MGRN1: variants seen among roughly 807,000 people sequenced by gnomAD.
MGRN1 encodes E3 ubiquitin-protein ligase MGRN1.
In MGRN1, 29 loss-of-function variants were observed where a neutral mutation model predicts 69.2. The observed-to-expected ratio is 0.42, with a 90% CI of 0.31 to 0.57. The LOEUF is 0.57. MGRN1 is among the 20% of genes least tolerant of loss of function. The pLI is 0.15. For synonymous variants in MGRN1, 470 were observed against 344.2 expected, an observed-to-expected ratio of 1.37 and a Z score of -4.04; for missense variants, 998 against 796.2, an observed-to-expected ratio of 1.25 and a Z score of -3.05.
At chr16:4,656,411 C>T (rs573242110) in intron 4 of MGRN1, among the ~76,000 whole-genome samples, 14 of 152,288 alleles carry the variant, frequency 9.2e-5, no homozygotes, top group South Asian at 2.1e-4. Context: ...ACGCCTACCC[C>T]GTCTGAACGT....
chr16:4,671,372 G>GCC lies in MGRN1; in HGVS notation c.727-16_727-15dup, dbSNP rs1197073188. Reference sequence around the variant, plus strand: ...ATGGCAGTTGGCGAGGGCCCAGTGAGCCCCTCTCTGCTCTCCAGGTGGACC... The same window carrying GCC: ...ATGGCAGTTGGCGAGGGCCCAGTGAGCCCCCCTCTCTGCTCTCCAGGTGGACC... On this transcript the variant is annotated intron_variant, in intron 8 of 16. Coordinates refer to ENST00000262370, the MANE Select transcript of MGRN1 (RefSeq NM_015246.4). 1 of 1,613,838 alleles carries GCC rather than the reference G, an allele frequency of 6.2e-7. No homozygotes were observed. The highest frequency in any genetic ancestry group is 1.3e-5 in the African/African-American group (1 of 75,040).
intron 16 of MGRN1, chr16:4,686,336 C>T: frequency 6.5e-7 from 1 of 1,540,700 alleles, no homozygotes; most frequent in Non-Finnish European, 8.7e-7. Flanking sequence ...TTCGGGGGCT[C>T]TGACGCGCGT....
chr16:4,686,545 C>T lies in MGRN1; in HGVS notation c.1619-2251C>T, dbSNP rs979757223. The T allele has an allele frequency of 2.1e-5, 28 of 1,347,730 alleles. No homozygotes were observed. In the East Asian group the frequency reaches 4.1e-4, roughly 20 times the overall value. 83.5% of individuals were successfully genotyped at this position (1,347,730 alleles called of 1,614,324 possible). A position where few individuals can be genotyped will look rare whatever the true frequency, so the allele number is the denominator to read the frequency against. ...CAGAGGTCTCTCCATCTGGACTAGG[C>T]GGCCGGTCAGGCTCTTCTTCCAGCC... On this transcript the variant is annotated intron_variant, in intron 16 of 16. Transcript: ENST00000262370.
At chr16:4,685,290 G>A (rs370707088) in intron 16 of MGRN1, among the ~76,000 whole-genome samples, 1 of 152,370 alleles carries the variant, frequency 6.6e-6, no homozygotes, top group East Asian at 1.9e-4. Flanking sequence ...GTGGCCCTGT[G>A]GGGGAGCATC....
At chr16:4,669,567 C>T (rs997806938) in intron 8 of MGRN1, among the ~76,000 whole-genome samples, 1 of 152,116 alleles carries the variant, frequency 6.6e-6, no homozygotes, top group Non-Finnish European at 1.5e-5. Flanking sequence ...CCTGCAGGCC[C>T]TGAGTTCTGT....
intron 1 of MGRN1, among the ~76,000 whole-genome samples, chr16:4,638,818 C>G (rs917486084): frequency 3.3e-5 from 5 of 152,204 alleles, no homozygotes; most frequent in Admixed American, 6.5e-5. Context: ...GCAGACACCT[C>G]GTGGCCTTCC....
At chr16:4,626,944 C>T (rs1267342804) in intron 1 of MGRN1, among the ~76,000 whole-genome samples, 2 of 152,200 alleles carry the variant, frequency 1.3e-5, no homozygotes, top group African/African-American at 2.4e-5. Flanking sequence ...GTGCTTTTTC[C>T]CTTTCTCTTC....
At chr16:4,668,457 GCA>G (rs1567216208) in intron 8 of MGRN1, 145 bp downstream of exon 8, 2 of 817,384 alleles carry the variant, frequency 2.4e-6, no homozygotes, top group Non-Finnish European at 3.9e-6. Context: ...ACATTCACTT[GCA>G]CATATATACG....
At chr16:4,636,601 G>C (rs1898305889) in intron 1 of MGRN1, among the ~76,000 whole-genome samples, 1 of 152,140 alleles carries the variant, frequency 6.6e-6, no homozygotes, top group African/African-American at 2.4e-5. Flanking sequence ...GAACGAATTT[G>C]CATGTCTGCA....
intron 1 of MGRN1, among the ~76,000 whole-genome samples, chr16:4,626,146 G>A (rs1897667441): frequency 6.6e-6 from 1 of 152,238 alleles, no homozygotes; most frequent in Non-Finnish European, 1.5e-5. Context: ...TGTAAGGTGT[G>A]ACTAGGTGAG....
intron 7 of MGRN1, among the ~76,000 whole-genome samples, chr16:4,666,955 G>A (rs143499902): frequency 2.4e-4 from 37 of 152,298 alleles, no homozygotes; most frequent in Non-Finnish European, 4.6e-4. Context: ...AGAACCTGGC[G>A]GAGGTGGTGG....
In MGRN1 at chr16:4,652,063, C is replaced by G. The variant is rs1267930785; in HGVS notation, c.296+12C>G. 7 of 1,612,352 alleles carry G rather than the reference C, an allele frequency of 4.3e-6. No homozygotes were observed. Among genetic ancestry groups the G allele is most frequent in the Non-Finnish European group, 5.1e-6 (6 of 1,178,674 alleles). On this transcript the variant is annotated intron_variant, in intron 3 of 16. Transcript: ENST00000262370. ...CTGCGGCTGGTGAGGTAACTTCACC[C>G]TGCCCCTGGGGACCCTGTGGCTCTG... is the stretch of plus-strand genomic sequence containing the variant.
At chr16:4,686,111 C>T in intron 16 of MGRN1, 3 of 966,724 alleles carry the variant, frequency 3.1e-6, no homozygotes, top group East Asian at 5.4e-5. Context: ...AGCTGTGGTT[C>T]TCCTTGTGGT....
At chr16:4,664,998 C>A in intron 6 of MGRN1, 104 bp from the exon 7 acceptor site, 1 of 1,362,074 alleles carries the variant, frequency 7.3e-7, no homozygotes, top group Non-Finnish European at 1.0e-6. Flanking sequence ...GGACTCTGTG[C>A]AGGCTGAGCC....
chr16:4,638,933 G>T (rs2078095065), intron 1 of MGRN1, among the ~76,000 whole-genome samples: 2 of 152,156 alleles, frequency 1.3e-5, no homozygotes, highest in African/African-American at 4.8e-5. Context: ...AGGCAGACAT[G>T]CTGGGTGTCT....
intron 1 of MGRN1, among the ~76,000 whole-genome samples, chr16:4,639,348 C>A (rs1200734491): frequency 6.6e-6 from 1 of 152,106 alleles, no homozygotes; most frequent in Non-Finnish European, 1.5e-5. Flanking sequence ...ACCGCGGCAT[C>A]CCAAGGAGGG....
intron 11 of MGRN1, among the ~76,000 whole-genome samples, chr16:4,679,172 G>A (rs2079120779): frequency 5.3e-5 from 8 of 152,240 alleles, no homozygotes; most frequent in Admixed American, 5.2e-4. Flanking sequence ...GAGAGAAGCA[G>A]CCCCTGAGGG....
intron 13 of MGRN1, among the ~76,000 whole-genome samples, chr16:4,682,587 G>T (rs1224684540): frequency 1.3e-5 from 2 of 152,204 alleles, no homozygotes; most frequent in East Asian, 1.9e-4. Context: ...AGGAAGGCTA[G>T]GCCCGTGCCA....
chr16:4,674,586 TTTTTC>T (rs1485322218), intron 10 of MGRN1, among the ~76,000 whole-genome samples: 27 of 140,134 alleles, frequency 1.9e-4, no homozygotes, highest in South Asian at 1.1e-3. Flanking sequence ...CGCTTTTTTT[TTTTTC>T]TTTTCTTTTC....
Sources: allele counts gnomAD v4.1 joint callset (sites outside exome capture counted in the v4.1 genomes callset), GRCh38; gene constraint gnomAD v4.1.1; transcripts MANE v1.5; gene names NCBI Gene and HGNC (gene_info 2026-07-23, HGNC 2026-07-21).